Variants in AGMO observed in about 807,000 individuals in gnomAD.
AGMO encodes the protein glyceryl-ether monooxygenase.
Under a neutral mutation model 60.2 loss-of-function variants are expected in AGMO, and 75 were observed. The observed-to-expected ratio is 1.25, with a 90% CI of 1.03 to 1.51. The LOEUF is 1.51. AGMO is among the 40% of genes most tolerant of loss of function. The probability of loss-of-function intolerance (pLI) is 0.00; values close to 1 mark genes in which losing one functional copy is unlikely to be tolerated. For synonymous variants in AGMO, 261 were observed against 177.1 expected (o/e 1.47, Z -3.76); for missense variants, 763 against 525.5 (o/e 1.45, Z -4.42).
At chr7:15,314,083 T>C (rs949159626) in intron 12 of AGMO, among the ~76,000 whole-genome samples, 3 of 151,992 alleles carry the variant, frequency 2.0e-5, no homozygotes, top group Non-Finnish European at 2.9e-5. Flanking sequence ...GTGTTGATGG[T>C]TGGATGTCAG....
chr7:15,189,206 T>C, the AGMO span, among the ~76,000 whole-genome samples: 1 of 151,926 alleles, frequency 6.6e-6, no homozygotes, highest in Non-Finnish European at 1.5e-5. Flanking sequence ...CCAAGACAAT[T>C]AGGGGAGAAA....
At chr7:15,157,609 G>C in the AGMO span, among the ~76,000 whole-genome samples, 1 of 152,156 alleles carries the variant, frequency 6.6e-6, no homozygotes. Flanking sequence ...GCCTTGAAGA[G>C]ACTTATCCCA....
chr7:15,381,140 C>T (rs192667478), intron 10 of AGMO, among the ~76,000 whole-genome samples: 349 of 152,106 alleles, frequency 2.3e-3, no homozygotes, highest in African/African-American at 7.5e-3. Context: ...ATGATGAAGA[C>T]GCCAAAAACA....
chr7:15,151,981 C>T, the AGMO span, among the ~76,000 whole-genome samples: 2 of 152,078 alleles, frequency 1.3e-5, no homozygotes, highest in Non-Finnish European at 2.9e-5. Flanking sequence ...ATTTCTGTAG[C>T]AGGGAGCTGA....
At chr7:15,228,246 A>C (rs2128498751) in intron 12 of AGMO, among the ~76,000 whole-genome samples, 1 of 152,212 alleles carries the variant, frequency 6.6e-6, no homozygotes, top group East Asian at 1.9e-4. Flanking sequence ...ATCCATCTTA[A>C]ATTAACAGGT....
intron 4 of AGMO, among the ~76,000 whole-genome samples, chr7:15,430,186 T>C (rs1781187540): frequency 6.6e-6 from 1 of 151,944 alleles, no homozygotes; most frequent in African/African-American, 2.4e-5. Flanking sequence ...CTAACAAAAG[T>C]ACCTTGCAAA....
intron 12 of AGMO, among the ~76,000 whole-genome samples, chr7:15,311,566 A>G (rs142492706): frequency 1.2e-3 from 180 of 152,278 alleles, no homozygotes; most frequent in African/African-American, 3.9e-3. Context: ...AGTTAGGTGG[A>G]CCTAACATCT....
At chr7:15,465,306 T>C (rs1180968587) in intron 3 of AGMO, among the ~76,000 whole-genome samples, 2 of 151,578 alleles carry the variant, frequency 1.3e-5, no homozygotes, top group Non-Finnish European at 1.5e-5. Context: ...AGAGTAAATA[T>C]AGAAGTCTTC....
intron 12 of AGMO, among the ~76,000 whole-genome samples, chr7:15,270,681 T>C (rs527713159): frequency 4.4e-4 from 66 of 150,012 alleles, no homozygotes; most frequent in Non-Finnish European, 9.0e-4. Context: ...CATTTATCTA[T>C]TTTTGTATGT....
rs181682365 is a variant in AGMO at position 15,235,729 on chromosome 7, C to G, written c.1264-34370G>C. Among the ~76,000 whole-genome samples, 722 of 152,222 alleles carry G rather than the reference C, an allele frequency of 4.7e-3. 7 individuals carry two copies. The highest frequency in any genetic ancestry group is 0.016 in the African/African-American group (674 of 41,562). On this transcript the variant is annotated intron_variant, in intron 12 of 12. Coordinates refer to ENST00000342526, the MANE Select transcript of AGMO (RefSeq NM_001004320.2). ...TTTGGGGGCATGCAGTCGAAATGCC[C>G]AGAAACCACACTGGTGACTTTTTCT...
intron 3 of AGMO, among the ~76,000 whole-genome samples, chr7:15,531,224 ATTC>A: frequency 1.1e-5 from 1 of 90,264 alleles, no homozygotes; most frequent in Non-Finnish European, 1.9e-5. Flanking sequence ...TTCTATATAT[ATTC>A]TATATATATA....
intron 3 of AGMO, among the ~76,000 whole-genome samples, chr7:15,542,682 G>T (rs1253121079): frequency 6.6e-6 from 1 of 152,020 alleles, no homozygotes; most frequent in Non-Finnish European, 1.5e-5. Flanking sequence ...TTTATTTTAG[G>T]GAGAAAACTA....
chr7:15,422,023 T>G (rs1780940481), intron 4 of AGMO, among the ~76,000 whole-genome samples: 1 of 151,898 alleles, frequency 6.6e-6, no homozygotes, highest in African/African-American at 2.4e-5. Flanking sequence ...AGACTCCCAG[T>G]TAATGTCCAA....
rs145025269 is a variant in AGMO at position 15,515,631 on chromosome 7, T to A, written c.409+29141A>T. Among the ~76,000 whole-genome samples the A allele has an allele frequency of 2.6e-4, 39 of 152,344 alleles. 1 individual carries two copies. The Middle Eastern group carries it at 0.027, about 106-fold the overall frequency. ...CAATATCTGTCTCCAACTAGAACAT[T>A]CCTGTGTCATGCTCCAATAGCCTTC... On this transcript the variant is annotated intron_variant, in intron 3 of 12. Coordinates refer to ENST00000342526, the MANE Select transcript of AGMO (RefSeq NM_001004320.2).
intron 10 of AGMO, 52 bp downstream of exon 10, chr7:15,385,394 A>C: frequency 8.1e-7 from 1 of 1,235,174 alleles, no homozygotes; most frequent in South Asian, 1.3e-5. Context: ...TTTCATTTTC[A>C]AACAAAGTAA....
At chr7:15,377,496 G>C (rs538239588) in intron 10 of AGMO, among the ~76,000 whole-genome samples, 157 of 152,092 alleles carry the variant, frequency 1.0e-3, no homozygotes, top group African/African-American at 3.7e-3. Flanking sequence ...TCATGCCCAG[G>C]CATTCAAATG....
intron 3 of AGMO, among the ~76,000 whole-genome samples, chr7:15,509,371 C>A (rs1302854165): frequency 6.9e-5 from 10 of 145,770 alleles, no homozygotes; most frequent in South Asian, 2.1e-4. Context: ...GACCCACATG[C>A]AAAAAAAAAA....
intron 12 of AGMO, among the ~76,000 whole-genome samples, chr7:15,339,071 T>C (rs796381403): frequency 1.7e-4 from 26 of 152,318 alleles, no homozygotes; most frequent in African/African-American, 6.0e-4. Context: ...GTAGCGGAAC[T>C]GCAAGCTATG....
chr7:15,149,948 C>G, the AGMO span, among the ~76,000 whole-genome samples: 1 of 152,078 alleles, frequency 6.6e-6, no homozygotes, highest in South Asian at 2.1e-4. Context: ...TATCTTAGAG[C>G]ATGGAATGTT....
Sources: allele counts gnomAD v4.1 joint callset (sites outside exome capture counted in the v4.1 genomes callset), GRCh38; gene constraint gnomAD v4.1.1; transcripts MANE v1.5; gene names NCBI Gene and HGNC (gene_info 2026-07-23, HGNC 2026-07-21).